SLC11A2: variants seen among roughly 807,000 people sequenced by gnomAD.
The protein encoded by SLC11A2 is solute carrier family 11 member 2.
Under a neutral mutation model 68.0 loss-of-function variants are expected in SLC11A2, and 38 were observed. The ratio of observed to expected loss-of-function variants is 0.56; its 90% CI spans 0.43 to 0.73. The LOEUF is 0.73. Among genes scored for constraint, SLC11A2 ranks in the 30% least tolerant of loss-of-function variants. SLC11A2 has a pLI of 0.00. For missense variants in SLC11A2, 517 were observed against 690.5 expected, an observed-to-expected ratio of 0.75 and a Z score of 2.82; for synonymous variants, 242 against 250.6, an observed-to-expected ratio of 0.97 and a Z score of 0.32.
chr12:51,005,609 AG>A, intron 3 of SLC11A2, 173 bp from the exon 4 acceptor site: 1 of 1,443,548 alleles, frequency 6.9e-7, no homozygotes, highest in Non-Finnish European at 9.2e-7. Flanking sequence ...CTTTTTATTA[AG>A]AAGCTGGCCA....
chr12:50,985,451 C>G (rs1940449387), downstream of SLC11A2, among the ~76,000 whole-genome samples: 1 of 152,206 alleles, frequency 6.6e-6, no homozygotes, highest in South Asian at 2.1e-4. Context: ...AAATCAAGTG[C>G]TGACTCAAGT....
intron 6 of SLC11A2, chr12:50,999,659 G>A (rs751260230): frequency 1.9e-6 from 1 of 529,734 alleles, no homozygotes; most frequent in Non-Finnish European, 3.4e-6. Context: ...AAAAGTTTGG[G>A]TCTTACCCTC....
At chr12:51,007,332 CTT>C (rs899002646) in intron 3 of SLC11A2, among the ~76,000 whole-genome samples, 9 of 152,086 alleles carry the variant, frequency 5.9e-5, no homozygotes, top group East Asian at 3.9e-4. Flanking sequence ...GAGTTTGACT[CTT>C]GTTTGTTTGT....
rs1943150942 is a variant in SLC11A2, at chr12:51,010,735, T to C, written c.-7A>G. 4 of 1,606,788 alleles carry C rather than the reference T, an allele frequency of 2.5e-6. No individual in the cohort carries two copies. Among genetic ancestry groups the C allele is most frequent in the South Asian group, 2.2e-5 (2 of 90,748 alleles). ...GTTCAGGACCCAGCACCATGGTGGATACCTGAGTGGCTGAGTTCTTAGAAT... is the reference window on the plus strand; with the variant it reads ...GTTCAGGACCCAGCACCATGGTGGACACCTGAGTGGCTGAGTTCTTAGAAT... On this transcript the variant is annotated 5_prime_UTR_variant, in exon 2 of 16. Coordinates refer to ENST00000262052, the MANE Select transcript of SLC11A2 (RefSeq NM_000617.3).
chr12:50,983,624 G>A (rs551888942), downstream of SLC11A2, among the ~76,000 whole-genome samples: 148 of 152,116 alleles, frequency 9.7e-4, no homozygotes, highest in Admixed American at 1.9e-3. Context: ...GATCACTTGA[G>A]GTCAGGAGTT....
In SLC11A2 at chr12:50,987,660, C is replaced by T. The variant is rs1940727333; in HGVS notation, c.*665G>A. On this transcript the variant is annotated 3_prime_UTR_variant, in exon 16 of 16. Transcript: ENST00000262052. ...ATCCTGAGAAGGTAATTAGTAAGCA[C>T]CACCTAGCGATGTGGTGCTGGTTTT... 2 of 1,287,178 alleles carry T rather than the reference C, an allele frequency of 1.6e-6. No homozygotes were observed. The highest frequency in any genetic ancestry group is 2.0e-6 in the Non-Finnish European group (2 of 988,684). The allele number at this position is 1,287,178 out of a possible 1,614,324, so 79.7% of individuals were successfully genotyped here.
upstream of SLC11A2, among the ~76,000 whole-genome samples, chr12:51,027,415 C>T (rs186559791): frequency 6.6e-6 from 1 of 151,988 alleles, no homozygotes; most frequent in Non-Finnish European, 1.5e-5. Context: ...GCTGCCCCAC[C>T]AAGAGCACCC....
Position 50,991,651 on chromosome 12 carries a change from TG to T in SLC11A2, c.1368del (p.Ile457SerfsTer10), listed in dbSNP as rs1941162883. 1 of 1,613,704 alleles carries T rather than the reference TG, an allele frequency of 6.2e-7. No individual in the cohort carries two copies. The highest frequency in any genetic ancestry group is 1.3e-5 in the African/African-American group (1 of 74,866). ...GGCCGCAAGCTCGTAAATGTGAGGATGGGTATGAGAGCAAAGGGAAGCTGGA... is the reference window on the plus strand; with the variant it reads ...GGCCGCAAGCTCGTAAATGTGAGGATGGTATGAGAGCAAAGGGAAGCTGGA... The part of the protein sequence containing the change: ...QSLQLPFALI[P>X]ILTFTSLRPV... On this transcript the variant is annotated frameshift_variant, in exon 14 of 16. Coordinates refer to ENST00000262052, the MANE Select transcript of SLC11A2 (RefSeq NM_000617.3). LOFTEE classifies it high-confidence loss of function.
At chr12:51,000,581 T>C (rs1942115139) in intron 5 of SLC11A2, 162 bp from the exon 6 acceptor site, 1 of 658,410 alleles carries the variant, frequency 1.5e-6, no homozygotes, top group Non-Finnish European at 2.7e-6. Flanking sequence ...GGCCGATCAC[T>C]GCACTGTGGC....
intron 1 of SLC11A2, among the ~76,000 whole-genome samples, chr12:51,017,913 T>C (rs1164385053): frequency 2.6e-5 from 4 of 152,170 alleles, no homozygotes; most frequent in Non-Finnish European, 5.9e-5. Context: ...TTCTTGAAAA[T>C]TGTCCATTCC....
At chr12:50,964,797 T>A in the SLC11A2 span, among the ~76,000 whole-genome samples, 25,222 of 152,242 alleles carry the variant, frequency 0.17, 2,170 homozygotes, top group South Asian at 0.27. Context: ...CCTGATTAAG[T>A]TTATAGGAAT....
chr12:50,969,188 G>T, the SLC11A2 span, among the ~76,000 whole-genome samples: 12 of 152,092 alleles, frequency 7.9e-5, no homozygotes, highest in South Asian at 2.5e-3. Context: ...CAGCTACTAG[G>T]GGGGCTGAGA....
upstream of SLC11A2, among the ~76,000 whole-genome samples, chr12:51,027,570 CA>C (rs1944441304): frequency 2.6e-5 from 4 of 152,264 alleles, no homozygotes; most frequent in East Asian, 7.7e-4. Context: ...TACCCAAAAG[CA>C]ATCCCACTCT....
downstream of SLC11A2, among the ~76,000 whole-genome samples, chr12:50,985,036 A>G (rs1391510036): frequency 6.6e-6 from 1 of 152,170 alleles, no homozygotes; most frequent in Non-Finnish European, 1.5e-5. Context: ...CTTCCAGTTG[A>G]CTCATCTACA....
chr12:51,025,641 G>A (rs1369817074), intron 1 of SLC11A2: 6 of 510,298 alleles, frequency 1.2e-5, no homozygotes, highest in Non-Finnish European at 1.5e-5. Context: ...CACATGAAAC[G>A]CACAGCTGGG....
chr12:50,991,482 A>G (rs982946219), intron 14 of SLC11A2, 117 bp downstream of exon 14: 1 of 789,106 alleles, frequency 1.3e-6, no homozygotes, highest in Middle Eastern at 2.7e-4. Flanking sequence ...GCAGCTAGCA[A>G]TCACCTCTCA....
Position 51,010,714 on chromosome 12 carries a change from A to G in SLC11A2, c.15T>C (p.Pro5=), listed in dbSNP as rs192462172. The G allele has an allele frequency of 3.2e-4, 516 of 1,600,638 alleles. 1 individual carries two copies. Among genetic ancestry groups the G allele is most frequent in the Admixed American group, 1.1e-3 (67 of 59,990 alleles). Residue 5 remains proline (P), a synonymous_variant, in exon 2 of 16, where the codon CCT becomes CCC. Transcript: ENST00000262052. MVLG[P]EQKMSDDSVS... ...AATTACCATCTGACATCTTCTGTTCAGGACCCAGCACCATGGTGGATACCT... is the reference window on the plus strand; with the variant it reads ...AATTACCATCTGACATCTTCTGTTCGGGACCCAGCACCATGGTGGATACCT...
the SLC11A2 span, among the ~76,000 whole-genome samples, chr12:50,973,781 G>T: frequency 6.6e-6 from 1 of 152,204 alleles, no homozygotes; most frequent in Non-Finnish European, 1.5e-5. Flanking sequence ...CACCAATGCA[G>T]ATAAGTCCTT....
chr12:50,956,467 T>G, the SLC11A2 span, among the ~76,000 whole-genome samples: 1 of 152,272 alleles, frequency 6.6e-6, no homozygotes, highest in Non-Finnish European at 1.5e-5. Flanking sequence ...ACTATGTATT[T>G]TCCTGCTACA....
Sources: allele counts gnomAD v4.1 joint callset (sites outside exome capture counted in the v4.1 genomes callset), GRCh38; gene constraint gnomAD v4.1.1; transcripts MANE v1.5; gene names NCBI Gene and HGNC (gene_info 2026-07-23, HGNC 2026-07-21).